Variants in RBFOX1 observed in about 807,000 individuals in gnomAD.
RBFOX1 encodes RNA binding fox-1 homolog 1.
RBFOX1 carries 8 observed loss-of-function variants against 57.7 expected under a neutral mutation model. That is an observed-to-expected ratio of 0.14 (90% CI 0.08 to 0.25). The LOEUF (loss-of-function observed/expected upper bound fraction) is 0.25. Ranked by LOEUF, RBFOX1 falls within the 10% of genes least tolerant of loss-of-function variation. The probability of loss-of-function intolerance (pLI) is 1.00; values close to 1 mark genes in which losing one functional copy is unlikely to be tolerated. For synonymous variants in RBFOX1, 326 were observed against 222.4 expected (o/e 1.47, Z -4.15); for missense variants, 611 against 548.5 (o/e 1.11, Z -1.14).
intron 1 of RBFOX1, among the ~76,000 whole-genome samples, chr16:6,262,857 C>G (rs1051700296): frequency 6.6e-5 from 10 of 152,138 alleles, no homozygotes; most frequent in African/African-American, 2.4e-4. Flanking sequence ...CAGGCCATCT[C>G]ACAACCCTCA....
intron 4 of RBFOX1, among the ~76,000 whole-genome samples, chr16:7,098,093 G>C (rs2151288138): frequency 6.6e-6 from 1 of 152,346 alleles, no homozygotes; most frequent in Admixed American, 6.5e-5. Context: ...AAACAGGCAA[G>C]TGGTACAAGT....
intron 1 of RBFOX1, among the ~76,000 whole-genome samples, chr16:6,194,465 C>A (rs2097167057): frequency 6.6e-6 from 1 of 152,152 alleles, no homozygotes; most frequent in South Asian, 2.1e-4. Flanking sequence ...AGGAACACTC[C>A]TTGTTTCTCT....
At chr16:6,410,513 G>A (rs1171433984) in intron 2 of RBFOX1, among the ~76,000 whole-genome samples, 2 of 151,618 alleles carry the variant, frequency 1.3e-5, no homozygotes, top group African/African-American at 2.4e-5. Context: ...GGGTTTCACC[G>A]TGTTAGCCAG....
At chr16:7,287,269 G>T (rs1005616179) in intron 4 of RBFOX1, among the ~76,000 whole-genome samples, 3 of 152,176 alleles carry the variant, frequency 2.0e-5, no homozygotes, top group African/African-American at 4.8e-5. Context: ...TAGAAATGAG[G>T]TTTTCCCGAC....
chr16:6,395,976 G>A (rs1454895984), intron 2 of RBFOX1, among the ~76,000 whole-genome samples: 1 of 139,626 alleles, frequency 7.2e-6, no homozygotes, highest in Non-Finnish European at 1.5e-5. Flanking sequence ...TGAGGCAGTA[G>A]AATTACTTGA....
chr16:5,707,133 C>T (rs1000630588), intron 3 of RBFOX1, among the ~76,000 whole-genome samples: 2 of 152,150 alleles, frequency 1.3e-5, no homozygotes, highest in Non-Finnish European at 2.9e-5. Context: ...CTCTCCCATT[C>T]CCAGACAATA....
intron 3 of RBFOX1, among the ~76,000 whole-genome samples, chr16:6,860,315 T>A (rs1017779753): frequency 6.6e-6 from 1 of 152,218 alleles, no homozygotes; most frequent in Non-Finnish European, 1.5e-5. Context: ...TCAGTTCTGA[T>A]GGAGTCAAGT....
intron 2 of RBFOX1, among the ~76,000 whole-genome samples, chr16:6,598,497 C>G (rs1004959883): frequency 6.6e-6 from 1 of 152,066 alleles, no homozygotes; most frequent in Non-Finnish European, 1.5e-5. Flanking sequence ...ATAAAGAGGA[C>G]GTCAGACCGA....
chr16:7,014,307 G>T (rs924620298), intron 3 of RBFOX1, among the ~76,000 whole-genome samples: 3 of 151,914 alleles, frequency 2.0e-5, no homozygotes, highest in Non-Finnish European at 2.9e-5. Context: ...TAGCCTCCTG[G>T]GTTCAAGCAA....
intron 5 of RBFOX1, among the ~76,000 whole-genome samples, chr16:7,578,742 A>G (rs76758447): frequency 0.029 from 4,438 of 151,408 alleles, 102 homozygotes; most frequent in Middle Eastern, 0.054. Context: ...TGTGGATGGC[A>G]TTTACTGCCA....
intron 6 of RBFOX1, among the ~76,000 whole-genome samples, chr16:7,584,140 A>G (rs1460381378): frequency 2.0e-5 from 3 of 152,200 alleles, no homozygotes; most frequent in African/African-American, 7.2e-5. Context: ...GCCTTCACGC[A>G]CAATCTTTGA....
chr16:7,265,895 G>C (rs1252746147), intron 4 of RBFOX1, among the ~76,000 whole-genome samples: 5 of 151,484 alleles, frequency 3.3e-5, no homozygotes, highest in African/African-American at 1.2e-4. Flanking sequence ...TAGATCATGG[G>C]AATGGGTTCT....
chr16:5,911,346 G>C (rs1290458999), intron 4 of RBFOX1, among the ~76,000 whole-genome samples: 1 of 152,186 alleles, frequency 6.6e-6, no homozygotes, highest in African/African-American at 2.4e-5. Flanking sequence ...CCGAAGCTCT[G>C]AAGTTCCTGT....
At chr16:7,493,093 G>A (rs1327046909) in intron 4 of RBFOX1, among the ~76,000 whole-genome samples, 2 of 152,130 alleles carry the variant, frequency 1.3e-5, no homozygotes, top group African/African-American at 4.8e-5. Flanking sequence ...TGGTCAGGCT[G>A]GTCTCAAACT....
intron 4 of RBFOX1, among the ~76,000 whole-genome samples, chr16:7,187,149 A>G (rs573336534): frequency 6.6e-6 from 1 of 152,150 alleles, no homozygotes; most frequent in Admixed American, 6.5e-5. Flanking sequence ...AGCTTGGGCG[A>G]TGGAGTGATA....
chr16:5,852,712 C>T (rs1341424687), intron 3 of RBFOX1, among the ~76,000 whole-genome samples: 1 of 152,096 alleles, frequency 6.6e-6, no homozygotes, highest in Admixed American at 6.5e-5. Context: ...TACCCATAAT[C>T]CCAGCACTTT....
chr16:6,868,634 G>C (rs1029050981), intron 3 of RBFOX1, among the ~76,000 whole-genome samples: 1 of 152,068 alleles, frequency 6.6e-6, no homozygotes, highest in African/African-American at 2.4e-5. Flanking sequence ...ACCACGCCCA[G>C]CTAATTTTTG....
intron 1 of RBFOX1, among the ~76,000 whole-genome samples, chr16:6,077,134 A>T (rs1263353399): frequency 6.6e-6 from 1 of 152,148 alleles, no homozygotes; most frequent in Admixed American, 6.5e-5. Flanking sequence ...GACGACTTTA[A>T]ATACCTTCCA....
At position 5,856,573 on chromosome 16, in the gene RBFOX1, G is replaced by GTATATATATATATATATATA. The variant is rs1173432604; in HGVS notation, c.319-10729_319-10728insATATATATATATATATATAT. ...TGTGTGTGTGTGTGTATGTGTGTGT[G>GTATATATATATATATATATA]TGTATATATATATATATATATATAT... On this transcript the variant is annotated intron_variant, in intron 3 of 19. Coordinates refer to the RBFOX1 transcript ENST00000641259. Among the ~76,000 whole-genome samples, 3 of 25,552 alleles carry GTATATATATATATATATATA rather than the reference G, an allele frequency of 1.2e-4. 1 individual carries two copies. Among genetic ancestry groups the GTATATATATATATATATATA allele is most frequent in the Non-Finnish European group, 2.3e-4 (3 of 12,822 alleles). The allele number at this position is 25,552 out of a possible 152,430, so 16.8% of individuals were successfully genotyped here. A position where few individuals can be genotyped will look rare whatever the true frequency, so the allele number is the denominator to read the frequency against.
Sources: gnomAD v4.1 joint callset for allele counts (sites outside exome capture counted in the v4.1 genomes callset) on GRCh38, gnomAD v4.1.1 for gene constraint, MANE v1.5 for transcripts, NCBI Gene and HGNC (gene_info 2026-07-23, HGNC 2026-07-21) for gene names.